The following VWA3B variants were observed in gnomAD, a reference collection of about 807,000 sequenced individuals.
VWA3B encodes the protein von Willebrand factor A domain-containing protein 3B.
In VWA3B, 138 loss-of-function variants were observed where a neutral mutation model predicts 158.3. That is an observed-to-expected ratio of 0.87 (90% confidence interval 0.76 to 1.00). The LOEUF (loss-of-function observed/expected upper bound fraction) is 1.00. Among genes scored for constraint, VWA3B ranks in the 50% least tolerant of loss-of-function variants. The pLI is 0.00. For missense variants in VWA3B, 1,555 were observed against 1,565.1 expected (o/e 0.99, Z 0.11); for synonymous variants, 596 against 587.3 (o/e 1.01, Z -0.21).
chr2:98,093,750 C>T (rs750664250), intron 2 of VWA3B, among the ~76,000 whole-genome samples: 1 of 152,112 alleles, frequency 6.6e-6, no homozygotes, highest in Non-Finnish European at 1.5e-5. Flanking sequence ...GACTAGATGT[C>T]CTAATTGTAG....
rs1680536500 is a variant in VWA3B at position 98,181,100 on chromosome 2, A to C, written c.1199A>C (p.Lys400Thr). The C allele has an allele frequency of 1.1e-5, 18 of 1,614,118 alleles. No individual in the cohort carries two copies. The highest frequency in any genetic ancestry group is 1.4e-5 in the Non-Finnish European group (17 of 1,180,052). Residue 400 changes from lysine to threonine, a missense_variant, in exon 9 of 28, where the codon AAG (lysine) becomes ACG (threonine). Lys to Thr is a moderately conservative substitution (Grantham distance 78). Coordinates refer to ENST00000477737, the MANE Select transcript of VWA3B (RefSeq NM_144992.5). ...ACATGGCTGCAGAAATATGGCTTGA[A>C]GGCCCAGAAGCTATCCTTGTATGAT... ...SKTWLQKYGL[K>T]AQKLSLYDVL...
intron 19 of VWA3B, among the ~76,000 whole-genome samples, chr2:98,243,602 G>T (rs1686215673): frequency 1.3e-5 from 2 of 152,094 alleles, no homozygotes; most frequent in Admixed American, 1.3e-4. Flanking sequence ...CCAAAGTGCT[G>T]GGATTACAGG....
At position 98,255,256 on chromosome 2, in the gene VWA3B, T is replaced by C. The variant is rs527778999; in HGVS notation, c.2793-868T>C. On this transcript the variant is annotated intron_variant, in intron 20 of 27. Transcript: ENST00000477737. ...CATGCTGGCCAGGCTGGTCTCGAAC[T>C]CCTGACCTCAGGTGATCCGCCCGCC... is the stretch of plus-strand genomic sequence containing the variant. 1.4e-4 allele frequency among the ~76,000 whole-genome samples: 17 copies of C among 124,778 alleles called. No homozygotes were observed. The East Asian group carries it at 4.5e-3, about 33-fold the overall frequency. 81.9% of individuals were successfully genotyped at this position (124,778 alleles called of 152,430 possible).
chr2:98,168,328 T>C (rs1679270064), intron 8 of VWA3B, among the ~76,000 whole-genome samples: 1 of 151,732 alleles, frequency 6.6e-6, no homozygotes, highest in Admixed American at 6.6e-5. Flanking sequence ...CCTCAGATAT[T>C]GGACAATTAT....
intron 26 of VWA3B, among the ~76,000 whole-genome samples, chr2:98,306,096 G>A (rs1558782153): frequency 6.6e-6 from 1 of 152,102 alleles, no homozygotes; most frequent in Non-Finnish European, 1.5e-5. Flanking sequence ...ACCAGATTAA[G>A]TATTCTCCCT....
chr2:98,280,427 G>A (rs946451806), intron 22 of VWA3B, among the ~76,000 whole-genome samples: 18 of 152,214 alleles, frequency 1.2e-4, no homozygotes, highest in African/African-American at 4.1e-4. Flanking sequence ...TGTTTGACTG[G>A]AGGTTTTGCT....
chr2:98,200,927 A>C (rs1465597519), intron 12 of VWA3B, among the ~76,000 whole-genome samples: 1 of 152,216 alleles, frequency 6.6e-6, no homozygotes, highest in Non-Finnish European at 1.5e-5. Flanking sequence ...GCTTCTTGTC[A>C]AAAATCATTT....
intron 2 of VWA3B, among the ~76,000 whole-genome samples, chr2:98,110,751 G>T (rs1472938694): frequency 2.0e-5 from 3 of 152,154 alleles, no homozygotes; most frequent in African/African-American, 7.2e-5. Flanking sequence ...GTCTGGCTGT[G>T]TCTCTACCCA....
At chr2:98,183,721 A>G (rs150165143) in intron 9 of VWA3B, among the ~76,000 whole-genome samples, 9 of 152,374 alleles carry the variant, frequency 5.9e-5, no homozygotes, top group Non-Finnish European at 8.8e-5. Context: ...CGGAAGGCAC[A>G]CTGGATACGG....
chr2:98,205,741 T>C (rs1479046094), intron 12 of VWA3B, among the ~76,000 whole-genome samples: 1 of 152,222 alleles, frequency 6.6e-6, no homozygotes, highest in Admixed American at 6.5e-5. Flanking sequence ...CATTCAGTAC[T>C]ATTTAATTTT....
chr2:98,163,883 G>A (rs1233192957), intron 8 of VWA3B, among the ~76,000 whole-genome samples: 2 of 152,182 alleles, frequency 1.3e-5, no homozygotes, highest in Non-Finnish European at 2.9e-5. Context: ...CACTGACTTA[G>A]GCTTTTTGCT....
chr2:98,135,738 C>T (rs1369347734), intron 7 of VWA3B, among the ~76,000 whole-genome samples: 1 of 152,184 alleles, frequency 6.6e-6, no homozygotes, highest in Non-Finnish European at 1.5e-5. Context: ...ATCCTAAATA[C>T]GTGATCTTGT....
intron 22 of VWA3B, among the ~76,000 whole-genome samples, chr2:98,281,253 C>T (rs546739947): frequency 6.6e-6 from 1 of 152,252 alleles, no homozygotes; most frequent in South Asian, 2.1e-4. Flanking sequence ...TCCTGTTCAC[C>T]AAGGTTTTAA....
chr2:98,189,553 G>A (rs147609248), intron 10 of VWA3B, among the ~76,000 whole-genome samples: 2 of 152,232 alleles, frequency 1.3e-5, no homozygotes, highest in African/African-American at 4.8e-5. Context: ...ATATGGTTTT[G>A]TTGGGTGGAG....
At chr2:98,286,487 G>T (rs901373004) in intron 22 of VWA3B, among the ~76,000 whole-genome samples, 9 of 152,164 alleles carry the variant, frequency 5.9e-5, no homozygotes, top group African/African-American at 2.2e-4. Flanking sequence ...GTTGGATTTT[G>T]TCAAATACTC....
At chr2:98,330,407 C>T in the VWA3B span, among the ~76,000 whole-genome samples, 1 of 152,142 alleles carries the variant, frequency 6.6e-6, no homozygotes, top group Non-Finnish European at 1.5e-5. Context: ...ATTTATTTAT[C>T]CTACACCTTG....
chr2:98,266,497 T>A (rs2105869135), intron 21 of VWA3B, among the ~76,000 whole-genome samples: 1 of 150,786 alleles, frequency 6.6e-6, no homozygotes, highest in South Asian at 2.1e-4. Flanking sequence ...CCAGCTTTGT[T>A]CTTTTGGCTT....
chr2:98,133,749 A>G, intron 6 of VWA3B, 75 bp from the exon 7 acceptor site: 1 of 1,279,644 alleles, frequency 7.8e-7, no homozygotes, highest in South Asian at 1.2e-5. Context: ...GAGCACGTTC[A>G]GTCCCAGGAG....
chr2:98,250,566 G>T, intron 20 of VWA3B, 130 bp downstream of exon 20: 1 of 744,438 alleles, frequency 1.3e-6, no homozygotes, highest in East Asian at 2.9e-5. Flanking sequence ...TTCAGGCTGG[G>T]TGTGGTAGTT....
Sources: gnomAD v4.1 joint callset for allele counts (sites outside exome capture counted in the v4.1 genomes callset) on GRCh38, gnomAD v4.1.1 for gene constraint, MANE v1.5 for transcripts, NCBI Gene and HGNC (gene_info 2026-07-23, HGNC 2026-07-21) for gene names.